Variants in ZNF765 observed in about 807,000 individuals in gnomAD.
ZNF765 encodes the protein zinc finger protein 765.
A neutral mutation model predicts 44.7 loss-of-function variants in ZNF765; 37 were observed. The observed-to-expected ratio is 0.83, with a 90% confidence interval of 0.64 to 1.09. The LOEUF is 1.09. Among genes scored for constraint, ZNF765 ranks in the 50% least tolerant of loss-of-function variants. The pLI, the probability that ZNF765 is intolerant of heterozygous loss-of-function variation, is 0.00. For missense variants in ZNF765, 594 were observed against 626.1 expected (o/e 0.95, Z 0.55); for synonymous variants, 201 against 213.7 (o/e 0.94, Z 0.52).
Position 53,409,756 on chromosome 19 carries a change from T to TA in ZNF765, c.*630dup. On this transcript the variant is annotated 3_prime_UTR_variant, in exon 4 of 4. Transcript: ENST00000396408. ...AGAACTCATACCTTACATGCCATCA[T>TA]AGACTTCATACTGGAGAGATACCTT... is the stretch of plus-strand genomic sequence containing the variant. 3 of 856,668 alleles carry TA rather than the reference T, an allele frequency of 3.5e-6. No individual in the cohort carries two copies. The South Asian group carries it at 3.9e-5, about 11-fold the overall frequency. 53.1% of individuals were successfully genotyped at this position (856,668 alleles called of 1,614,324 possible).
Position 53,408,252 on chromosome 19 carries a change from C to A in ZNF765, c.697C>A (p.His233Asn), listed in dbSNP as rs1194798325. 1 of 1,614,104 alleles carries A rather than the reference C, an allele frequency of 6.2e-7. No homozygotes were observed. The highest frequency in any genetic ancestry group is 2.2e-5 in the East Asian group (1 of 44,898). Residue 233 changes from histidine to asparagine, a missense_variant, in exon 4 of 4, where the codon CAT becomes AAT. Transcript: ENST00000396408. The part of the protein sequence containing the change: ...AYNCSSLLRK[H>N]QLIHLGEKQY... Reference sequence around the variant, plus strand: ...TAATTGTAGCTCACTCTTAAGGAAACATCAGTTAATCCATTTAGGAGAGAA... The same window carrying A: ...TAATTGTAGCTCACTCTTAAGGAAAAATCAGTTAATCCATTTAGGAGAGAA...
Position 53,408,386 on chromosome 19 carries a change from C to T in ZNF765, c.831C>T (p.Gly277=). 6.2e-7 allele frequency: 1 copy of T among 1,614,186 alleles called. No individual in the cohort carries two copies. Among genetic ancestry groups the T allele is most frequent in the Non-Finnish European group, 8.5e-7 (1 of 1,180,010 alleles). The change falls in exon 4 of 4, where the codon GGC becomes GGT. Residue 277 remains glycine, a synonymous_variant. Coordinates refer to ENST00000396408, the MANE Select transcript of ZNF765 (RefSeq NM_001040185.3). ...AACCTTACAAGTGTAATGAGTGTGG[C>T]AAGACCTTCAGTCAGACATATTACC... The part of the protein sequence containing the change: ...GEKPYKCNEC[G]KTFSQTYYLT...
chr19:53,398,602 T>C (rs2147087213), intron 2 of ZNF765, among the ~76,000 whole-genome samples: 1 of 152,310 alleles, frequency 6.6e-6, no homozygotes, highest in Non-Finnish European at 1.5e-5. Flanking sequence ...ATTTTAAGAA[T>C]AGGAAATCAA....
At chr19:53,397,106 TAA>T (rs1322838804) in intron 1 of ZNF765, among the ~76,000 whole-genome samples, 1 of 152,278 alleles carries the variant, frequency 6.6e-6, no homozygotes, top group Non-Finnish European at 1.5e-5. Flanking sequence ...CTACTTTGTC[TAA>T]GTCTGGACTG....
intron 1 of ZNF765, among the ~76,000 whole-genome samples, chr19:53,396,548 T>G (rs1487176533): frequency 1.3e-5 from 2 of 152,194 alleles, no homozygotes; most frequent in African/African-American, 4.8e-5. Flanking sequence ...GTCTTGTAGC[T>G]GCATTGAAAG....
chr19:53,418,555 A>G (rs529006370), intron 3 of ZNF765, among the ~76,000 whole-genome samples: 3 of 152,202 alleles, frequency 2.0e-5, no homozygotes, highest in African/African-American at 4.8e-5. Flanking sequence ...TGACTGTTTT[A>G]TACTTCACTT....
intron 3 of ZNF765, among the ~76,000 whole-genome samples, chr19:53,420,061 C>T (rs1450631873): frequency 6.6e-6 from 1 of 151,384 alleles, no homozygotes. Context: ...TGGCCGGGTG[C>T]AGTGGCTCAT....
downstream of ZNF765, among the ~76,000 whole-genome samples, chr19:53,414,692 T>C (rs1257805885): frequency 6.7e-6 from 1 of 149,244 alleles, no homozygotes; most frequent in Non-Finnish European, 1.5e-5. Flanking sequence ...GGATGTGGCA[T>C]TTTATGGCTA....
chr19:53,414,607 T>G (rs62117294), downstream of ZNF765, among the ~76,000 whole-genome samples: 41 of 150,878 alleles, frequency 2.7e-4, 1 homozygote, highest in East Asian at 4.5e-3. Context: ...TCCCATTCTT[T>G]TCTGGCCTTC....
At chr19:53,421,201 T>C (rs1292052072) in intron 3 of ZNF765, among the ~76,000 whole-genome samples, 2 of 152,172 alleles carry the variant, frequency 1.3e-5, no homozygotes, top group African/African-American at 2.4e-5. Flanking sequence ...TTAAACTTAC[T>C]TATGACAGAG....
rs140585580 is a variant in ZNF765 at position 53,399,540 on chromosome 19, G to C, written c.15+1510G>C. 5.3e-5 allele frequency among the ~76,000 whole-genome samples: 8 copies of C among 152,098 alleles called. No homozygotes were observed. In the East Asian group the frequency reaches 1.6e-3, roughly 30 times the overall value. On this transcript the variant is annotated intron_variant, in intron 2 of 3. Transcript: ENST00000396408. ...TAACTTTTTTACAAAAATTAGCCTG[G>C]CGTGATGGCACGTGCCCCTAATCCC...
Position 53,410,584 on chromosome 19 carries a change from C to G in ZNF765, c.*1457C>G. ...TCAGGCAATCCATGGTGTAGGGAAA[C>G]TTTACTTATGTAATGATTGTCACAA... On this transcript the variant is annotated 3_prime_UTR_variant, in exon 4 of 4. Transcript: ENST00000396408. 1 of 444,978 alleles carries G rather than the reference C, an allele frequency of 2.2e-6. No homozygotes were observed. The highest frequency in any genetic ancestry group is 1.9e-5 in the South Asian group (1 of 53,788). 27.6% of individuals were successfully genotyped at this position (444,978 alleles called of 1,614,324 possible). A position where few individuals can be genotyped will look rare whatever the true frequency, so the allele number is the denominator to read the frequency against.
chr19:53,401,876 T>TA (rs111753331), intron 2 of ZNF765, 189 bp from the exon 3 acceptor site: 1,762 of 1,216,460 alleles, frequency 1.4e-3, no homozygotes, highest in East Asian at 6.5e-3. Flanking sequence ...ACTCCACCTT[T>TA]AAAAAAAAAA....
At chr19:53,401,338 C>T (rs1399566954) in intron 2 of ZNF765, among the ~76,000 whole-genome samples, 2 of 151,782 alleles carry the variant, frequency 1.3e-5, no homozygotes, top group Non-Finnish European at 2.9e-5. Flanking sequence ...CCGAGGTGGG[C>T]GGATCACGAG....
downstream of ZNF765, among the ~76,000 whole-genome samples, chr19:53,415,427 G>C (rs1221289957): frequency 6.6e-6 from 1 of 152,182 alleles, no homozygotes; most frequent in Non-Finnish European, 1.5e-5. Flanking sequence ...TGTTGTATGT[G>C]ATTTCAGATG....
Position 53,409,796 on chromosome 19 carries a change from T to C in ZNF765, c.*669T>C. The C allele has an allele frequency of 1.3e-6, 1 of 769,408 alleles. No individual in the cohort carries two copies. The highest frequency in any genetic ancestry group is 2.3e-6 in the Non-Finnish European group (1 of 429,754). 47.7% of individuals were successfully genotyped at this position (769,408 alleles called of 1,614,324 possible). On this transcript the variant is annotated 3_prime_UTR_variant, in exon 4 of 4. Transcript: ENST00000396408. ...AGAGATACCTTAAAAGTGTAGTGAG[T>C]GTGGCAAGACCTTTAGTCTGAAGTC...
chr19:53,404,369 C>G (rs573245748), intron 3 of ZNF765, among the ~76,000 whole-genome samples: 130 of 152,346 alleles, frequency 8.5e-4, no homozygotes, highest in African/African-American at 3.1e-3. Flanking sequence ...AACCACCGTG[C>G]CCGGCCTGTC....
At chr19:53,419,789 G>T (rs770560598) in intron 3 of ZNF765, among the ~76,000 whole-genome samples, 5 of 151,882 alleles carry the variant, frequency 3.3e-5, no homozygotes, top group Admixed American at 2.0e-4. Context: ...AGGCCGAGGC[G>T]GGTGGATCAC....
At chr19:53,421,407 T>G (rs1333953914) in intron 3 of ZNF765, among the ~76,000 whole-genome samples, 5 of 152,228 alleles carry the variant, frequency 3.3e-5, no homozygotes, top group African/African-American at 9.6e-5. Flanking sequence ...ATACTTTGTC[T>G]CTGTCTCTTA....
Sources: gnomAD v4.1 joint callset for allele counts (sites outside exome capture counted in the v4.1 genomes callset) on GRCh38, gnomAD v4.1.1 for gene constraint, MANE v1.5 for transcripts, NCBI Gene and HGNC (gene_info 2026-07-23, HGNC 2026-07-21) for gene names.